Variants in TTC3 observed in about 807,000 individuals in gnomAD.
The protein encoded by TTC3 is E3 ubiquitin-protein ligase TTC3.
In TTC3, 180 loss-of-function variants were observed where a neutral mutation model predicts 249.6. The ratio of observed to expected loss-of-function variants is 0.72; its 90% confidence interval spans 0.64 to 0.82. The LOEUF is 0.82. TTC3 is among the 40% of genes least tolerant of loss of function. The pLI, the probability that TTC3 is intolerant of heterozygous loss-of-function variation, is 0.00. For missense variants in TTC3, 2,061 were observed against 2,398.4 expected (o/e 0.86, Z 2.94); for synonymous variants, 717 against 805.0 (o/e 0.89, Z 1.85).
chr21:37,132,119 C>T (rs534851542), intron 16 of TTC3, among the ~76,000 whole-genome samples: 35 of 152,040 alleles, frequency 2.3e-4, no homozygotes, highest in Non-Finnish European at 3.5e-4. Context: ...TTCCCTCCAC[C>T]TCTGATTTTA....
rs368408275 is a variant in TTC3 at position 37,200,191 on chromosome 21, T to C, written c.5851-41T>C. 3.2e-6 allele frequency: 5 copies of C among 1,585,616 alleles called. No homozygotes were observed. In the African/African-American group the frequency reaches 6.7e-5, roughly 21 times the overall value. On this transcript the variant is annotated intron_variant, in intron 44 of 45. Transcript: ENST00000355666. ...GAAGAACTCGTGTCATAAAAACAACTGTAGTTATTCTTTACTATTCAGGTG... is the reference window on the plus strand; with the variant it reads ...GAAGAACTCGTGTCATAAAAACAACCGTAGTTATTCTTTACTATTCAGGTG...
intron 41 of TTC3, chr21:37,194,865 G>A (rs1224076671): frequency 6.6e-6 from 1 of 152,210 alleles, no homozygotes; most frequent in Non-Finnish European, 1.5e-5. Flanking sequence ...CCATTTGTTC[G>A]ATTATCAGTT....
At chr21:37,126,462 C>G (rs2077051217) in intron 15 of TTC3, among the ~76,000 whole-genome samples, 1 of 152,042 alleles carries the variant, frequency 6.6e-6, no homozygotes, top group Non-Finnish European at 1.5e-5. Flanking sequence ...TCCCTTCCTC[C>G]CACCTGCTAG....
intron 14 of TTC3, 39 bp from the exon 15 acceptor site, chr21:37,126,041 G>GTTTT: frequency 1.7e-5 from 21 of 1,262,100 alleles, no homozygotes; most frequent in Middle Eastern, 2.3e-4. Context: ...TGGCTGGGTT[G>GTTTT]TTTTTTTTTT....
chr21:37,083,598 AGGTT>A, intron 1 of TTC3: 1 of 183,316 alleles, frequency 5.5e-6, no homozygotes, highest in Non-Finnish European at 1.0e-5. Context: ...TGGGGAGTCT[AGGTT>A]GACTCCCAGG....
chr21:37,191,310 C>G, intron 39 of TTC3, 24 bp from the exon 40 acceptor site: 1 of 1,515,894 alleles, frequency 6.6e-7, no homozygotes, highest in Non-Finnish European at 8.9e-7. Flanking sequence ...ATTTCTAAAG[C>G]AGTTTTATAT....
chr21:37,087,992 GT>G (rs2072735475), intron 3 of TTC3, 117 bp downstream of exon 3: 2 of 975,512 alleles, frequency 2.1e-6, no homozygotes, highest in Non-Finnish European at 3.0e-6. Context: ...ATTCTTACTA[GT>G]TTTTCACTAG....
intron 38 of TTC3, 38 bp downstream of exon 38, chr21:37,187,183 T>C: frequency 6.9e-7 from 1 of 1,457,178 alleles, no homozygotes; most frequent in Non-Finnish European, 9.4e-7. Flanking sequence ...ATGGCATTTG[T>C]CATTTGTTTT....
At chr21:37,149,594 A>T (rs979532102) in intron 23 of TTC3, among the ~76,000 whole-genome samples, 1 of 152,120 alleles carries the variant, frequency 6.6e-6, no homozygotes. Flanking sequence ...ATGCAACCCA[A>T]ATATCTTGTG....
chr21:37,160,058 T>C (rs990811897), intron 29 of TTC3, among the ~76,000 whole-genome samples: 2 of 152,230 alleles, frequency 1.3e-5, no homozygotes. Flanking sequence ...TGAAAAGTTG[T>C]CTTTAATAAC....
At chr21:37,085,897 C>CTA (rs2072402157) in intron 1 of TTC3, 1 of 152,168 alleles carries the variant, frequency 6.6e-6, no homozygotes, top group African/African-American at 2.4e-5. Context: ...AGAGCAGAAG[C>CTA]TATGGCAACT....
At chr21:37,190,763 T>C (rs2083988019) in intron 39 of TTC3, among the ~76,000 whole-genome samples, 1 of 152,216 alleles carries the variant, frequency 6.6e-6, no homozygotes, top group South Asian at 2.1e-4. Context: ...TGTTTTTTCT[T>C]CAATATGTAT....
intron 35 of TTC3, among the ~76,000 whole-genome samples, chr21:37,175,310 G>A (rs369517627): frequency 2.1e-5 from 3 of 145,822 alleles, no homozygotes; most frequent in Admixed American, 1.4e-4. Flanking sequence ...TATACAGGCC[G>A]GGCACGGTGG....
chr21:37,161,584 G>A (rs2080755477), intron 30 of TTC3, among the ~76,000 whole-genome samples: 1 of 152,238 alleles, frequency 6.6e-6, no homozygotes, highest in Non-Finnish European at 1.5e-5. Flanking sequence ...TTAAGTCTTT[G>A]GTGGGTTCTT....
At chr21:37,092,239 A>G (rs2073367503) in intron 7 of TTC3, among the ~76,000 whole-genome samples, 2 of 152,244 alleles carry the variant, frequency 1.3e-5, no homozygotes, top group Admixed American at 1.3e-4. Flanking sequence ...ATGATGACCA[A>G]TAATTTACCA....
intron 26 of TTC3, 112 bp downstream of exon 26, chr21:37,152,141 A>G (rs1250422894): frequency 8.1e-7 from 1 of 1,232,408 alleles, no homozygotes; most frequent in East Asian, 2.7e-5. Flanking sequence ...TAAAGATTTC[A>G]CTTAGTAATT....
chr21:37,144,427 G>A (rs1311448457), intron 20 of TTC3, 98 bp from the exon 21 acceptor site: 1 of 1,374,924 alleles, frequency 7.3e-7, no homozygotes, highest in Non-Finnish European at 9.9e-7. Flanking sequence ...TTCATCAAAT[G>A]TATTCGTCCC....
intron 35 of TTC3, among the ~76,000 whole-genome samples, chr21:37,180,538 C>T (rs1455958519): frequency 7.2e-6 from 1 of 138,104 alleles, no homozygotes; most frequent in African/African-American, 2.8e-5. Context: ...CATATTCTCA[C>T]TCATAGGTGG....
chr21:37,160,550 T>C (rs2080610722), intron 29 of TTC3, among the ~76,000 whole-genome samples: 3 of 152,166 alleles, frequency 2.0e-5, no homozygotes, highest in Non-Finnish European at 2.9e-5. Context: ...GAAATAACAG[T>C]CCAACCCTGT....
Sources: allele counts gnomAD v4.1 joint callset (sites outside exome capture counted in the v4.1 genomes callset), GRCh38; gene constraint gnomAD v4.1.1; transcripts MANE v1.5; gene names NCBI Gene and HGNC (gene_info 2026-07-23, HGNC 2026-07-21).